Variants in TAAR2 observed in about 807,000 individuals in gnomAD.
TAAR2 encodes trace amine associated receptor 2, also known as trace amine-associated receptor 2.
A neutral mutation model predicts 25.5 loss-of-function variants in TAAR2; 30 were observed. The observed-to-expected ratio is 1.18, with a 90% CI of 0.88 to 1.60. The LOEUF is 1.60. TAAR2 is among the 40% of genes most tolerant of loss of function. The pLI, the probability that TAAR2 is intolerant of heterozygous loss-of-function variation, is 0.00. For missense variants in TAAR2, 481 were observed against 416.5 expected, an observed-to-expected ratio of 1.15 and a Z score of -1.35; for synonymous variants, 150 against 142.4, an observed-to-expected ratio of 1.05 and a Z score of -0.38.
chr6:132,619,357 G>T (rs552309210), intron 1 of TAAR2, among the ~76,000 whole-genome samples: 1 of 152,286 alleles, frequency 6.6e-6, no homozygotes, highest in East Asian at 1.9e-4. Context: ...GAGTTAGAAT[G>T]ATTTTCTTTT....
intron 1 of TAAR2, among the ~76,000 whole-genome samples, chr6:132,619,001 C>G (rs1249941783): frequency 1.3e-5 from 2 of 152,160 alleles, no homozygotes; most frequent in African/African-American, 4.8e-5. Flanking sequence ...CTCTAATTAT[C>G]TGGTAGAGTC....
rs1777303346 is a variant in TAAR2, at chr6:132,617,185, T to G, written c.1021A>C (p.Asn341His). The G allele has an allele frequency of 6.2e-7, 1 of 1,601,392 alleles. No homozygotes were observed. Among genetic ancestry groups the G allele is most frequent in the Non-Finnish European group, 8.5e-7 (1 of 1,177,064 alleles). ...LGKIFSSCFH[N>H]TILCMQKESE ...TCTTTTTGCATACACAAAATAGTAT[T>G]ATGGAAACATGAGCTGAAAATTTTA... Residue 341 changes from asparagine (N) to histidine (H), a missense_variant, in exon 2 of 2, where the codon AAT becomes CAT. Asn to His is a moderately conservative substitution (Grantham distance 68). Coordinates refer to ENST00000367931, the MANE Select transcript of TAAR2 (RefSeq NM_001033080.1).
intron 1 of TAAR2, among the ~76,000 whole-genome samples, chr6:132,620,935 C>T: frequency 6.6e-6 from 1 of 151,906 alleles, no homozygotes; most frequent in African/African-American, 2.4e-5. Context: ...ATTTTCCTCC[C>T]TCTTGGTACT....
chr6:132,621,074 A>C (rs188457733), intron 1 of TAAR2, among the ~76,000 whole-genome samples: 5 of 152,040 alleles, frequency 3.3e-5, no homozygotes, highest in Middle Eastern at 3.4e-3. Context: ...CATCTTCAGT[A>C]TGCTCATTAA....
rs1444823600 is a variant in TAAR2, at chr6:132,617,181, G to T, written c.1025C>A (p.Thr342Asn). 6.3e-6 allele frequency: 10 copies of T among 1,599,024 alleles called. No individual in the cohort carries two copies. The highest frequency in any genetic ancestry group is 8.5e-6 in the Non-Finnish European group (10 of 1,176,456). The change falls in exon 2 of 2, where the codon ACT becomes AAT. Residue 342 changes from threonine to asparagine, a missense_variant. By Grantham distance (65) the Thr-to-Asn change is moderately conservative (BLOSUM62 0). Coordinates refer to ENST00000367931, the MANE Select transcript of TAAR2 (RefSeq NM_001033080.1). ...GKIFSSCFHN[T>N]ILCMQKESE ...ACTTTCTTTTTGCATACACAAAATA[G>T]TATTATGGAAACATGAGCTGAAAAT...
intron 1 of TAAR2, among the ~76,000 whole-genome samples, chr6:132,621,261 T>G (rs1777369104): frequency 6.6e-6 from 1 of 152,144 alleles, no homozygotes; most frequent in South Asian, 2.1e-4. Context: ...TTTCTTTTTC[T>G]TTTACTTTAA....
rs1177151765 is a variant in TAAR2, at chr6:132,617,310, G to A, written c.896C>T (p.Ala299Val). The A allele has an allele frequency of 2.5e-6, 4 of 1,613,582 alleles. No individual in the cohort carries two copies. The highest frequency in any genetic ancestry group is 1.1e-5 in the South Asian group (1 of 91,014). Reference protein sequence around the residue: ...NFSTPVVLFDALTWFGYFNST... With the variant: ...NFSTPVVLFDVLTWFGYFNST... ...GTTAAAATAGCCAAACCATGTCAAG[G>A]CATCAAACAAAACTACAGGAGTAGA... is the stretch of plus-strand genomic sequence containing the variant. Residue 299 changes from alanine (A) to valine (V), a missense_variant, in exon 2 of 2, where the codon GCC becomes GTC. Ala to Val is a moderately conservative substitution (Grantham distance 64). Coordinates refer to ENST00000367931, the MANE Select transcript of TAAR2 (RefSeq NM_001033080.1).
chr6:132,618,258 T>G (rs1265294148), intron 1 of TAAR2, 113 bp from the exon 2 acceptor site: 1 of 944,756 alleles, frequency 1.1e-6, no homozygotes, highest in Admixed American at 3.0e-5. Flanking sequence ...GAAGATAATT[T>G]ATGCTGTAAT....
chr6:132,622,164 T>C (rs1777384102), intron 1 of TAAR2, among the ~76,000 whole-genome samples: 1 of 151,968 alleles, frequency 6.6e-6, no homozygotes, highest in Non-Finnish European at 1.5e-5. Context: ...AAAATAAAGA[T>C]TTGTAACATA....
chr6:132,620,271 A>G (rs899839836), intron 1 of TAAR2, among the ~76,000 whole-genome samples: 2 of 152,196 alleles, frequency 1.3e-5, no homozygotes, highest in Admixed American at 6.5e-5. Context: ...GGCCTGGTGT[A>G]TGATGGGACG....
Position 132,617,170 on chromosome 6 carries a change from T to C in TAAR2, c.1036A>G (p.Met346Val), listed in dbSNP as rs1464736390. ...AAAGCCTACTCACTTTCTTTTTGCA[T>C]ACACAAAATAGTATTATGGAAACAT... ...SSCFHNTILCMQKESE is the reference protein window; with the variant it reads ...SSCFHNTILCVQKESE Residue 346 changes from methionine to valine, a missense_variant, in exon 2 of 2, where the codon ATG (methionine) becomes GTG (valine). By Grantham distance (21) the Met-to-Val change is conservative. Transcript: ENST00000367931. The C allele has an allele frequency of 1.3e-6, 2 of 1,581,602 alleles. No homozygotes were observed. The highest frequency in any genetic ancestry group is 2.0e-5 in the Admixed American group (1 of 50,196).
chr6:132,621,855 T>C (rs1225722410), intron 1 of TAAR2, among the ~76,000 whole-genome samples: 1 of 152,190 alleles, frequency 6.6e-6, no homozygotes, highest in Non-Finnish European at 1.5e-5. Context: ...ATAATAATTT[T>C]AATCCCATTT....
chr6:132,618,048 G>A lies in TAAR2; in HGVS notation c.158C>T (p.Ser53Phe), dbSNP rs1389203364. 40 of 1,613,864 alleles carry A rather than the reference G, an allele frequency of 2.5e-5. No homozygotes were observed. Among genetic ancestry groups the A allele is most frequent in the Non-Finnish European group, 3.4e-5 (40 of 1,179,966 alleles). ...ATTGCCAAATATTGTGATGAATATG[G>A]ATCCTGCCATAAATGAATACATAGC... is the stretch of plus-strand genomic sequence containing the variant. Reference protein sequence around the residue: ...RVAMYSFMAGSIFITIFGNLA... With the variant: ...RVAMYSFMAGFIFITIFGNLA... Residue 53 changes from serine (S) to phenylalanine (F), a missense_variant, in exon 2 of 2, where the codon TCC (serine) becomes TTC (phenylalanine). By Grantham distance (155) the Ser-to-Phe change is radical. Coordinates refer to ENST00000367931, the MANE Select transcript of TAAR2 (RefSeq NM_001033080.1).
chr6:132,617,202 A>T lies in TAAR2; in HGVS notation c.1004T>A (p.Phe335Tyr). The change falls in exon 2 of 2, where the codon TTC (phenylalanine) becomes TAC (tyrosine). Residue 335 changes from phenylalanine to tyrosine, a missense_variant. Phe to Tyr is a conservative substitution (Grantham distance 22). Transcript: ENST00000367931. The part of the protein sequence containing the change: ...ALKYILLGKI[F>Y]SSCFHNTILC... Reference sequence around the variant, plus strand: ...AATAGTATTATGGAAACATGAGCTGAAAATTTTACCTAGCAAAATGTACTT... The same window carrying T: ...AATAGTATTATGGAAACATGAGCTGTAAATTTTACCTAGCAAAATGTACTT... 6.2e-7 allele frequency: 1 copy of T among 1,606,074 alleles called. No homozygotes were observed. The highest frequency in any genetic ancestry group is 1.1e-5 in the South Asian group (1 of 88,348).
rs760907444 is a variant in TAAR2 at position 132,617,748 on chromosome 6, G to C, written c.458C>G (p.Thr153Ser). The C allele has an allele frequency of 3.1e-6, 5 of 1,613,994 alleles. No homozygotes were observed. The highest frequency in any genetic ancestry group is 4.2e-6 in the Non-Finnish European group (5 of 1,179,984). ...YAICYPLLYS[T>S]KITIPVIKRL... ...TTTAATGACTGGAATAGTTATTTTG[G>C]TGGAATAAAGTAATGGGTAACATAT... Residue 153 changes from threonine to serine, a missense_variant, in exon 2 of 2, where the codon ACC becomes AGC. Physicochemically the swap from Thr to Ser is moderately conservative, Grantham distance 58. Transcript: ENST00000367931.
chr6:132,618,979 T>C (rs1777338941), intron 1 of TAAR2, among the ~76,000 whole-genome samples: 1 of 152,192 alleles, frequency 6.6e-6, no homozygotes, highest in Non-Finnish European at 1.5e-5. Context: ...GGGGGAAGAA[T>C]CATCTAATGA....
At chr6:132,624,110 G>T in intron 1 of TAAR2, 106 bp downstream of exon 1, 1 of 1,074,066 alleles carries the variant, frequency 9.3e-7, no homozygotes, top group Non-Finnish European at 1.4e-6. Flanking sequence ...TTTTAGATCT[G>T]GAGGAATTGA....
At chr6:132,623,364 G>C (rs757201837) in intron 1 of TAAR2, among the ~76,000 whole-genome samples, 27 of 152,132 alleles carry the variant, frequency 1.8e-4, no homozygotes, top group Non-Finnish European at 4.0e-4. Flanking sequence ...ATTAAGTCCT[G>C]CACCTTCCAC....
In TAAR2 at chr6:132,617,429, T is replaced by A. The variant is rs757706118; in HGVS notation, c.777A>T (p.Lys259Asn). ...TCACTATTCCTAAAGTTTTGGCAGC[T>A]TTTTTGTCTTTCTTCACTTGATTAT... ...NQNNQVKKDK[K>N]AAKTLGIVIG... The change falls in exon 2 of 2, where the codon AAA (lysine) becomes AAT (asparagine). Residue 259 changes from lysine to asparagine, a missense_variant. Coordinates refer to ENST00000367931, the MANE Select transcript of TAAR2 (RefSeq NM_001033080.1). The A allele has an allele frequency of 6.2e-7, 1 of 1,613,736 alleles. No individual in the cohort carries two copies. The highest frequency in any genetic ancestry group is 1.1e-5 in the South Asian group (1 of 91,030).
Sources: gnomAD v4.1 joint callset for allele counts (sites outside exome capture counted in the v4.1 genomes callset) on GRCh38, gnomAD v4.1.1 for gene constraint, MANE v1.5 for transcripts, NCBI Gene and HGNC (gene_info 2026-07-23, HGNC 2026-07-21) for gene names.